The following ARHGAP32 variants were observed in gnomAD, a reference collection of about 807,000 sequenced individuals.
The protein encoded by ARHGAP32 is Rho GTPase activating protein 32.
Under a neutral mutation model 186.5 loss-of-function variants are expected in ARHGAP32, and 51 were observed. The ratio of observed to expected loss-of-function variants is 0.27; its 90% CI spans 0.22 to 0.35. The LOEUF (loss-of-function observed/expected upper bound fraction) is 0.35. ARHGAP32 is among the 10% of genes least tolerant of loss of function. The pLI is 1.00. For synonymous variants in ARHGAP32, 950 were observed against 964.3 expected (o/e 0.99, Z 0.27); for missense variants, 2,186 against 2,623.5 (o/e 0.83, Z 3.64).
At chr11:129,196,263 T>C (rs1944388812), upstream of ARHGAP32, among the ~76,000 whole-genome samples, 1 of 152,222 alleles carries the variant, frequency 6.6e-6, no homozygotes, top group South Asian at 2.1e-4. Context: ...AGGTTCCGTA[T>C]GCATGGGTTC....
At chr11:129,107,610 T>G (rs554613054) in intron 5 of ARHGAP32, among the ~76,000 whole-genome samples, 1 of 152,310 alleles carries the variant, frequency 6.6e-6, no homozygotes, top group South Asian at 2.1e-4. Context: ...GGCTCACGCC[T>G]GTAATCCCAG....
intron 1 of ARHGAP32, among the ~76,000 whole-genome samples, chr11:129,231,492 TC>T (rs1419035088): frequency 1.3e-5 from 2 of 152,186 alleles, no homozygotes; most frequent in Non-Finnish European, 2.9e-5. Flanking sequence ...AAGTCCTGGT[TC>T]CAGTAACAGT....
At chr11:129,215,227 A>C (rs898884805) in intron 1 of ARHGAP32, among the ~76,000 whole-genome samples, 4 of 152,100 alleles carry the variant, frequency 2.6e-5, no homozygotes, top group African/African-American at 9.7e-5. Context: ...AGGTTTCCTT[A>C]TGATTTGGTT....
At chr11:129,263,621 A>AG (rs1036249104) in intron 1 of ARHGAP32, among the ~76,000 whole-genome samples, 3 of 67,602 alleles carry the variant, frequency 4.4e-5, no homozygotes, top group Non-Finnish European at 8.5e-5. Context: ...GAGCGGGGAG[A>AG]GGGGGAGGGG....
At chr11:129,090,183 A>G (rs907320273) in intron 6 of ARHGAP32, among the ~76,000 whole-genome samples, 1 of 152,210 alleles carries the variant, frequency 6.6e-6, no homozygotes, top group African/African-American at 2.4e-5. Context: ...ATAAATGTTA[A>G]TATTTACTCC....
chr11:129,212,943 T>A (rs755147895), intron 1 of ARHGAP32, among the ~76,000 whole-genome samples: 1 of 151,610 alleles, frequency 6.6e-6, no homozygotes, highest in Non-Finnish European at 1.5e-5. Flanking sequence ...TTCATATAAA[T>A]AAACAAACCT....
intron 19 of ARHGAP32, among the ~76,000 whole-genome samples, chr11:128,976,953 C>G (rs1225629552): frequency 1.3e-5 from 2 of 152,168 alleles, no homozygotes; most frequent in African/African-American, 4.8e-5. Flanking sequence ...AATATGATAT[C>G]TTGAATGACA....
At chr11:129,045,048 C>G (rs1051464432) in intron 10 of ARHGAP32, among the ~76,000 whole-genome samples, 3 of 152,188 alleles carry the variant, frequency 2.0e-5, no homozygotes, top group Admixed American at 6.5e-5. Context: ...CCACTGCATA[C>G]TATACAGAGG....
chr11:129,007,765 C>G (rs1313381639), intron 11 of ARHGAP32, among the ~76,000 whole-genome samples: 4 of 152,154 alleles, frequency 2.6e-5, no homozygotes, highest in African/African-American at 9.7e-5. Flanking sequence ...TCCATTGGCT[C>G]TGGGCCCAGT....
chr11:129,226,729 A>C (rs1944789295), intron 1 of ARHGAP32, among the ~76,000 whole-genome samples: 1 of 152,168 alleles, frequency 6.6e-6, no homozygotes, highest in Non-Finnish European at 1.5e-5. Flanking sequence ...AAAAGAAAAA[A>C]ACATGATCCA....
intron 1 of ARHGAP32, among the ~76,000 whole-genome samples, chr11:129,232,995 A>G (rs967713865): frequency 1.3e-5 from 2 of 152,174 alleles, no homozygotes; most frequent in African/African-American, 4.8e-5. Context: ...ACTTAAACAT[A>G]TATATTTGTC....
intron 1 of ARHGAP32, among the ~76,000 whole-genome samples, chr11:129,258,169 GTTTGT>G (rs1449211706): frequency 6.6e-6 from 1 of 152,098 alleles, no homozygotes; most frequent in East Asian, 1.9e-4. Flanking sequence ...CTGTGCTATG[GTTTGT>G]TTTTTCTCTA....
chr11:129,028,432 T>A (rs1034980073), intron 11 of ARHGAP32, among the ~76,000 whole-genome samples: 1 of 152,232 alleles, frequency 6.6e-6, no homozygotes. Flanking sequence ...CAAAGATAAG[T>A]TAGTTCCACT....
At chr11:129,124,548 A>G (rs934970438) in intron 3 of ARHGAP32, among the ~76,000 whole-genome samples, 1 of 152,182 alleles carries the variant, frequency 6.6e-6, no homozygotes, top group African/African-American at 2.4e-5. Flanking sequence ...ACATGGTTAG[A>G]CTGTTCCTAT....
chr11:129,096,538 G>T (rs757025420), intron 5 of ARHGAP32, among the ~76,000 whole-genome samples: 1 of 92,914 alleles, frequency 1.1e-5, no homozygotes, highest in Admixed American at 1.3e-4. Flanking sequence ...GCCCCGCCCC[G>T]CCCCTGCCAC....
At chr11:129,231,259 T>G (rs1944854962) in intron 1 of ARHGAP32, among the ~76,000 whole-genome samples, 2 of 152,210 alleles carry the variant, frequency 1.3e-5, no homozygotes, top group Admixed American at 1.3e-4. Context: ...TCCTGCCCTA[T>G]TTTTGACAGC....
In ARHGAP32 at chr11:129,049,330, A is replaced by G. The variant is rs150212971; in HGVS notation, c.964-8321T>C. Among the ~76,000 whole-genome samples the G allele has an allele frequency of 1.6e-3, 248 of 152,320 alleles. No homozygotes were observed. The Middle Eastern group carries it at 0.017, about 10-fold the overall frequency. On this transcript the variant is annotated intron_variant, in intron 10 of 22. Coordinates refer to ENST00000682385, the MANE Select transcript of ARHGAP32 (RefSeq NM_001378024.1). The stretch of plus-strand genomic sequence containing the variant: ...AGACAGATATGATCAACTGGATTGG[A>G]TGCATGAACAACATGAAGTCAAGAA...
intron 2 of ARHGAP32, among the ~76,000 whole-genome samples, chr11:129,137,660 A>G (rs1049179389): frequency 6.6e-6 from 1 of 152,066 alleles, no homozygotes; most frequent in African/African-American, 2.4e-5. Context: ...TAAGGTTTTA[A>G]TCATAAGAGA....
intron 2 of ARHGAP32, among the ~76,000 whole-genome samples, chr11:129,142,884 G>C (rs963549871): frequency 1.3e-5 from 2 of 151,430 alleles, no homozygotes; most frequent in East Asian, 3.9e-4. Flanking sequence ...TTTATTTATT[G>C]TATTATCTTT....
Sources: allele counts gnomAD v4.1 joint callset (sites outside exome capture counted in the v4.1 genomes callset), GRCh38; gene constraint gnomAD v4.1.1; transcripts MANE v1.5; gene names NCBI Gene and HGNC (gene_info 2026-07-23, HGNC 2026-07-21).